FDFT1: variants seen among roughly 807,000 people sequenced by gnomAD.
FDFT1 encodes the protein squalene synthase.
A neutral mutation model predicts 46.8 loss-of-function variants in FDFT1; 68 were observed. That is an observed-to-expected ratio of 1.45 (90% CI 1.19 to 1.78). The LOEUF is 1.78. Ranked by LOEUF, FDFT1 falls within the 40% of genes most tolerant of loss-of-function variation. FDFT1 has a pLI of 0.00. For synonymous variants in FDFT1, 351 were observed against 185.1 expected, an observed-to-expected ratio of 1.90 and a Z score of -7.28; for missense variants, 928 against 524.4, an observed-to-expected ratio of 1.77 and a Z score of -7.52.
chr8:11,804,164 A>C (rs1290228689), intron 1 of FDFT1, among the ~76,000 whole-genome samples: 2 of 152,240 alleles, frequency 1.3e-5, no homozygotes, highest in Non-Finnish European at 2.9e-5. Context: ...AGACAATTTA[A>C]GAAAGCGAAT....
chr8:11,805,117 G>T (rs1806663543), intron 1 of FDFT1, among the ~76,000 whole-genome samples: 2 of 151,340 alleles, frequency 1.3e-5, no homozygotes, highest in Admixed American at 1.3e-4. Context: ...ATGTCTCGCT[G>T]CATTGCCCAG....
chr8:11,834,848 G>T (rs752038588), intron 7 of FDFT1, among the ~76,000 whole-genome samples: 1 of 152,124 alleles, frequency 6.6e-6, no homozygotes, highest in African/African-American at 2.4e-5. Flanking sequence ...ATCAAGCCTC[G>T]CACTGTGGCT....
intron 3 of FDFT1, among the ~76,000 whole-genome samples, chr8:11,821,261 A>T (rs148912899): frequency 5.4e-4 from 83 of 152,370 alleles, no homozygotes; most frequent in African/African-American, 1.9e-3. Context: ...GCATTTTTAG[A>T]CCATTCTATT....
upstream of FDFT1, among the ~76,000 whole-genome samples, chr8:11,797,411 C>T (rs1247446391): frequency 3.0e-4 from 45 of 152,172 alleles, no homozygotes; most frequent in Non-Finnish European, 1.5e-5. Context: ...CATAACATGT[C>T]TGTTTCTTCC....
intron 3 of FDFT1, among the ~76,000 whole-genome samples, chr8:11,816,056 G>A (rs546402069): frequency 6.6e-6 from 1 of 152,298 alleles, no homozygotes; most frequent in African/African-American, 2.4e-5. Context: ...AAGATGTAAG[G>A]AAGGGATCCA....
rs575734226 is a variant in FDFT1 at position 11,830,184 on chromosome 8, G to A, written c.703-60G>A. ...TTATGCACAAAGACCCTTTAATATT[G>A]TTTGTAAATTCTCCCCTATGCACAC... On this transcript the variant is annotated intron_variant, in intron 5 of 7. Transcript: ENST00000220584. The A allele has an allele frequency of 2.6e-5, 34 of 1,333,224 alleles. No individual in the cohort carries two copies. In the Admixed American group the frequency reaches 2.7e-4, roughly 11 times the overall value. The allele number at this position is 1,333,224 out of a possible 1,614,324, so 82.6% of individuals were successfully genotyped here.
chr8:11,810,933 T>TAAAAA (rs71539744), intron 3 of FDFT1, among the ~76,000 whole-genome samples: 3 of 89,420 alleles, frequency 3.4e-5, no homozygotes, highest in Admixed American at 1.3e-4. Context: ...GAGCAATATT[T>TAAAAA]AAAAAAAAAA....
intron 2 of FDFT1, chr8:11,809,186 G>A (rs1563302394): frequency 2.4e-6 from 3 of 1,241,022 alleles, no homozygotes; most frequent in African/African-American, 1.6e-5. Context: ...TGTATTTCTC[G>A]GCTTCCCTTA....
chr8:11,812,646 G>A (rs1229483410), intron 3 of FDFT1, among the ~76,000 whole-genome samples: 2 of 152,152 alleles, frequency 1.3e-5, no homozygotes, highest in South Asian at 4.1e-4. Context: ...TTACTAGCTC[G>A]ATTGATCATT....
At chr8:11,814,618 A>T in intron 3 of FDFT1, among the ~76,000 whole-genome samples, 1 of 152,316 alleles carries the variant, frequency 6.6e-6, no homozygotes, top group Non-Finnish European at 1.5e-5. Context: ...TGAACTTAAA[A>T]CAAGATATTT....
chr8:11,805,073 G>C (rs1806656371), intron 1 of FDFT1, among the ~76,000 whole-genome samples: 1 of 118,750 alleles, frequency 8.4e-6, no homozygotes, highest in Non-Finnish European at 1.8e-5. Context: ...TGTCACCAAT[G>C]CATGGCTAAT....
chr8:11,825,331 C>T (rs555885815), intron 4 of FDFT1, among the ~76,000 whole-genome samples: 1 of 152,116 alleles, frequency 6.6e-6, no homozygotes, highest in African/African-American at 2.4e-5. Context: ...CAGTTGAGGT[C>T]AGGAGTTCGA....
At chr8:11,833,889 G>C (rs185557788) in intron 7 of FDFT1, among the ~76,000 whole-genome samples, 4 of 152,354 alleles carry the variant, frequency 2.6e-5, no homozygotes, top group African/African-American at 9.6e-5. Flanking sequence ...TAATACTTAA[G>C]TTGATTTGAT....
intron 5 of FDFT1, 100 bp downstream of exon 5, chr8:11,826,315 C>G: frequency 2.4e-6 from 2 of 833,568 alleles, no homozygotes; most frequent in Non-Finnish European, 3.7e-6. Flanking sequence ...CAAGTCAGGC[C>G]TCCCCCAGGC....
At chr8:11,798,070 G>A (rs960085432), upstream of FDFT1, 2 of 125,846 alleles carry the variant, frequency 1.6e-5, no homozygotes, top group Non-Finnish European at 3.5e-5. Flanking sequence ...ATAATCAAGT[G>A]TGTGTTTTTA....
chr8:11,814,482 A>G (rs1044793629), intron 3 of FDFT1, among the ~76,000 whole-genome samples: 1 of 152,126 alleles, frequency 6.6e-6, no homozygotes, highest in Non-Finnish European at 1.5e-5. Flanking sequence ...CAGACCAGGT[A>G]TATTGCATAC....
chr8:11,797,490 C>T (rs1034086301), upstream of FDFT1, among the ~76,000 whole-genome samples: 13 of 150,322 alleles, frequency 8.6e-5, no homozygotes, highest in Middle Eastern at 3.4e-3. Flanking sequence ...ATGTCTCCTG[C>T]CACATTGTAG....
upstream of FDFT1, chr8:11,802,722 C>T (rs541656556): frequency 3.6e-6 from 3 of 826,996 alleles, no homozygotes; most frequent in South Asian, 3.1e-5. Context: ...AGGCCTGCCC[C>T]CTGTCCGGCC....
chr8:11,824,213 C>G (rs143428031), intron 4 of FDFT1, among the ~76,000 whole-genome samples: 1 of 151,742 alleles, frequency 6.6e-6, no homozygotes, highest in Non-Finnish European at 1.5e-5. Context: ...TTTACTTTTG[C>G]TTCTTAAGTT....
Sources: gnomAD v4.1 joint callset for allele counts (sites outside exome capture counted in the v4.1 genomes callset) on GRCh38, gnomAD v4.1.1 for gene constraint, MANE v1.5 for transcripts, NCBI Gene and HGNC (gene_info 2026-07-23, HGNC 2026-07-21) for gene names.